Variants in CACNA2D3 observed in about 807,000 individuals in gnomAD.
The protein encoded by CACNA2D3 is calcium voltage-gated channel auxiliary subunit alpha2delta 3, also known as voltage-dependent calcium channel subunit alpha-2/delta-3.
CACNA2D3 carries 60 observed loss-of-function variants against 160.6 expected under a neutral mutation model. The observed-to-expected ratio is 0.37, with a 90% CI of 0.30 to 0.46. The LOEUF (loss-of-function observed/expected upper bound fraction) is 0.46, where lower values mean the gene tolerates loss of function less well. Among genes scored for constraint, CACNA2D3 ranks in the 20% least tolerant of loss-of-function variants. CACNA2D3 has a pLI of 1.00. For synonymous variants in CACNA2D3, 558 were observed against 492.9 expected (o/e 1.13, Z -1.75); for missense variants, 1,205 against 1,365.0 (o/e 0.88, Z 1.85).
chr3:54,319,347 AACTC>A (rs907914225), intron 2 of CACNA2D3, among the ~76,000 whole-genome samples: 1 of 152,148 alleles, frequency 6.6e-6, no homozygotes, highest in Non-Finnish European at 1.5e-5. Context: ...TTTCACAACT[AACTC>A]TTAAGGTCTC....
intron 2 of CACNA2D3, among the ~76,000 whole-genome samples, chr3:54,284,687 C>G (rs1454731627): frequency 6.6e-6 from 1 of 152,134 alleles, no homozygotes; most frequent in Non-Finnish European, 1.5e-5. Context: ...TCCTTCGGTA[C>G]CAGTACTTCT....
At chr3:54,744,526 G>C (rs531923743) in intron 11 of CACNA2D3, among the ~76,000 whole-genome samples, 2 of 152,260 alleles carry the variant, frequency 1.3e-5, no homozygotes, top group South Asian at 4.2e-4. Context: ...CTCTCCAAGG[G>C]TTATAAAAGT....
intron 4 of CACNA2D3, among the ~76,000 whole-genome samples, chr3:54,443,905 G>C (rs1383619103): frequency 6.6e-6 from 1 of 152,134 alleles, no homozygotes; most frequent in Non-Finnish European, 1.5e-5. Flanking sequence ...TTGTTGGGAA[G>C]GGCATGGGGA....
rs1348703023 is a variant in CACNA2D3 at position 54,236,422 on chromosome 3, G to A, written c.205-84020G>A. 1.3e-5 allele frequency among the ~76,000 whole-genome samples: 2 copies of A among 152,162 alleles called. 1 individual carries two copies. Among genetic ancestry groups the A allele is most frequent in the African/African-American group, 4.8e-5 (2 of 41,438 alleles). ...GCGACATATGGAAACTCCCTGTATGGCCTTAGCAATTATTCTGTAAATCTA... is the reference window on the plus strand; with the variant it reads ...GCGACATATGGAAACTCCCTGTATGACCTTAGCAATTATTCTGTAAATCTA... On this transcript the variant is annotated intron_variant, in intron 2 of 37. Coordinates refer to ENST00000474759, the MANE Select transcript of CACNA2D3 (RefSeq NM_018398.3).
intron 26 of CACNA2D3, among the ~76,000 whole-genome samples, chr3:54,897,540 G>C (rs1441452138): frequency 6.6e-6 from 1 of 151,920 alleles, no homozygotes; most frequent in Non-Finnish European, 1.5e-5. Context: ...TGGTATTTTG[G>C]GTGCTCACTC....
intron 2 of CACNA2D3, among the ~76,000 whole-genome samples, chr3:54,262,159 C>G (rs4928025): frequency 0.59 from 90,286 of 152,022 alleles, 27,917 homozygotes; most frequent in Middle Eastern, 0.74. Context: ...AAATCTATAG[C>G]AAGGATGGGT....
intron 35 of CACNA2D3, among the ~76,000 whole-genome samples, chr3:55,023,155 G>A (rs1056283856): frequency 7.1e-4 from 108 of 152,222 alleles, no homozygotes; most frequent in Non-Finnish European, 1.2e-3. Flanking sequence ...ATATTTTGAA[G>A]ATATTCCATT....
intron 9 of CACNA2D3, among the ~76,000 whole-genome samples, chr3:54,601,001 G>A (rs750118424): frequency 2.0e-5 from 3 of 152,028 alleles, no homozygotes; most frequent in African/African-American, 4.8e-5. Flanking sequence ...TCTTGCAATC[G>A]GAATTGCACG....
intron 11 of CACNA2D3, among the ~76,000 whole-genome samples, chr3:54,731,468 G>C (rs940732257): frequency 6.6e-6 from 1 of 152,118 alleles, no homozygotes; most frequent in Non-Finnish European, 1.5e-5. Flanking sequence ...AGTGTCAAAA[G>C]GAAAACAAAA....
intron 9 of CACNA2D3, chr3:54,626,681 AGT>A (rs1236794131): frequency 2.3e-6 from 1 of 443,722 alleles, no homozygotes; most frequent in Non-Finnish European, 3.8e-6. Context: ...ACATGGTTCC[AGT>A]CAAAAAAAAA....
chr3:54,510,008 G>A (rs1447944067), intron 5 of CACNA2D3, among the ~76,000 whole-genome samples: 2 of 152,162 alleles, frequency 1.3e-5, no homozygotes, highest in Non-Finnish European at 2.9e-5. Flanking sequence ...GGCCCTTTGT[G>A]GCTCCTCAGT....
chr3:54,786,509 T>C (rs1702644814), intron 13 of CACNA2D3, among the ~76,000 whole-genome samples: 1 of 152,190 alleles, frequency 6.6e-6, no homozygotes, highest in African/African-American at 2.4e-5. Context: ...GTTATCTTTA[T>C]TTACTCCTGT....
chr3:54,618,971 C>T (rs1230012496), intron 9 of CACNA2D3, among the ~76,000 whole-genome samples: 2 of 152,190 alleles, frequency 1.3e-5, no homozygotes, highest in African/African-American at 2.4e-5. Flanking sequence ...CTCCAAGAAA[C>T]GCATTTGAAT....
At chr3:54,302,617 G>C (rs1703504481) in intron 2 of CACNA2D3, among the ~76,000 whole-genome samples, 1 of 152,164 alleles carries the variant, frequency 6.6e-6, no homozygotes, top group South Asian at 2.1e-4. Flanking sequence ...CATTGCCTGT[G>C]AATAATTTTA....
chr3:54,452,061 C>T (rs139865382), intron 4 of CACNA2D3, among the ~76,000 whole-genome samples: 12 of 152,250 alleles, frequency 7.9e-5, no homozygotes, highest in South Asian at 2.1e-4. Context: ...CTTTTACTAG[C>T]GACATTCTGT....
intron 2 of CACNA2D3, among the ~76,000 whole-genome samples, chr3:54,319,632 TG>T (rs1387138168): frequency 1.6e-4 from 25 of 152,348 alleles, no homozygotes; most frequent in African/African-American, 5.5e-4. Context: ...AACCGTGTTT[TG>T]GGTCTCAGGA....
chr3:54,763,070 A>C (rs186610695), intron 12 of CACNA2D3, among the ~76,000 whole-genome samples: 48 of 144,656 alleles, frequency 3.3e-4, no homozygotes, highest in Middle Eastern at 7.2e-3. Flanking sequence ...CCTGGGCGAC[A>C]GAGTGAGACT....
intron 27 of CACNA2D3, among the ~76,000 whole-genome samples, chr3:54,958,152 A>C (rs1701947076): frequency 6.6e-6 from 1 of 152,256 alleles, no homozygotes; most frequent in Admixed American, 6.5e-5. Context: ...ACAATAAATA[A>C]TATAAAATGT....
At chr3:54,536,716 C>T (rs1374568139) in intron 5 of CACNA2D3, among the ~76,000 whole-genome samples, 1 of 152,192 alleles carries the variant, frequency 6.6e-6, no homozygotes, top group Non-Finnish European at 1.5e-5. Flanking sequence ...GGGGAGTGAT[C>T]CTAGCCAAGA....
Sources: gnomAD v4.1 joint callset for allele counts (sites outside exome capture counted in the v4.1 genomes callset) on GRCh38, gnomAD v4.1.1 for gene constraint, MANE v1.5 for transcripts, NCBI Gene and HGNC (gene_info 2026-07-23, HGNC 2026-07-21) for gene names.